Variants in MUSK observed in about 807,000 individuals in gnomAD.
MUSK encodes muscle associated receptor tyrosine kinase, also known as muscle, skeletal receptor tyrosine-protein kinase.
MUSK carries 55 observed loss-of-function variants against 88.7 expected under a neutral mutation model. The observed-to-expected ratio is 0.62, with a 90% CI of 0.50 to 0.78. The LOEUF (loss-of-function observed/expected upper bound fraction) is 0.78, where lower values mean the gene tolerates loss of function less well. Ranked by LOEUF, MUSK falls within the 30% of genes least tolerant of loss-of-function variation. The pLI, the probability that MUSK is intolerant of heterozygous loss-of-function variation, is 0.00. For missense variants in MUSK, 1,015 were observed against 1,074.3 expected, an observed-to-expected ratio of 0.94 and a Z score of 0.77; for synonymous variants, 387 against 391.9, an observed-to-expected ratio of 0.99 and a Z score of 0.15.
chr9:110,682,692 C>T lies in MUSK; in HGVS notation c.98C>T (p.Pro33Leu), dbSNP rs1254646159. ...CTTTCAGCTCCTGTCATCACCACTC[C>T]TCTTGAAACAGTGGATGCCTTAGTT... is the stretch of plus-strand genomic sequence containing the variant. ...KLPKAPVITT[P>L]LETVDALVEE... The change falls in exon 2 of 15, where the codon CCT (proline) becomes CTT (leucine). Residue 33 changes from proline (P) to leucine (L), a missense_variant. Coordinates refer to ENST00000374448, the MANE Select transcript of MUSK (RefSeq NM_005592.4). 1 of 1,612,216 alleles carries T rather than the reference C, an allele frequency of 6.2e-7. No individual in the cohort carries two copies.
intron 6 of MUSK, 77 bp from the exon 7 acceptor site, chr9:110,747,564 T>C (rs1348679680): frequency 2.8e-6 from 4 of 1,416,288 alleles, no homozygotes; most frequent in African/African-American, 2.9e-5. Flanking sequence ...ATCTTAATGC[T>C]TTTCCCTTCA....
chr9:110,709,340 A>G (rs2131764870), intron 5 of MUSK, among the ~76,000 whole-genome samples: 1 of 152,328 alleles, frequency 6.6e-6, no homozygotes, highest in Non-Finnish European at 1.5e-5. Flanking sequence ...CATGGGTGGT[A>G]GGATCTCAAG....
intron 3 of MUSK, among the ~76,000 whole-genome samples, chr9:110,690,176 A>AGTATATATAAG (rs2076312644): frequency 9.5e-6 from 1 of 105,030 alleles, no homozygotes; most frequent in African/African-American, 4.0e-5. Flanking sequence ...AAATATATAA[A>AGTATATATAAG]TATATATTTA....
chr9:110,797,162 CAAAAAAAAAAA>C (rs34924295), intron 14 of MUSK, among the ~76,000 whole-genome samples: 3 of 16,816 alleles, frequency 1.8e-4, no homozygotes, highest in Admixed American at 8.7e-4. Context: ...CATGAATACC[CAAAAAAAAAAA>C]AAAAAAAAAA....
intron 5 of MUSK, among the ~76,000 whole-genome samples, chr9:110,704,798 A>G (rs1368032457): frequency 6.6e-6 from 1 of 152,088 alleles, no homozygotes; most frequent in Non-Finnish European, 1.5e-5. Context: ...AGCCTGGCCA[A>G]CATGGTGAAA....
chr9:110,711,801 T>A (rs1290048301), intron 5 of MUSK, among the ~76,000 whole-genome samples: 2 of 152,228 alleles, frequency 1.3e-5, no homozygotes, highest in Non-Finnish European at 2.9e-5. Context: ...AGATTCTTTT[T>A]AATCAAAAGT....
chr9:110,753,458 AAAGAG>A lies in MUSK; in HGVS notation c.913+5660_913+5664del, dbSNP rs1447108344. 4.4e-3 allele frequency among the ~76,000 whole-genome samples: 657 copies of A among 149,614 alleles called. 15 individuals are homozygous for A. The highest frequency in any genetic ancestry group is 0.034 in the Admixed American group (510 of 14,970). ...TCATCTCAAAAAGGAAAAAAAAAAAAAAGAGAGAGAGAGAGAGAGAGAAATAAAAT... is the reference window on the plus strand; with the variant it reads ...TCATCTCAAAAAGGAAAAAAAAAAAAAGAGAGAGAGAGAGAGAAATAAAAT... On this transcript the variant is annotated intron_variant, in intron 7 of 14. Transcript: ENST00000374448.
chr9:110,761,422 G>A (rs1162365135), intron 7 of MUSK, among the ~76,000 whole-genome samples: 1 of 151,800 alleles, frequency 6.6e-6, no homozygotes, highest in Non-Finnish European at 1.5e-5. Context: ...CAGCCTTGAG[G>A]CAGCCAGGTC....
chr9:110,734,212 C>T, intron 5 of MUSK, 39 bp from the exon 6 acceptor site: 2 of 1,583,156 alleles, frequency 1.3e-6, no homozygotes, highest in Non-Finnish European at 1.7e-6. Context: ...TGACCATTTC[C>T]TGCAGGAGCG....
intron 2 of MUSK, 89 bp downstream of exon 2, chr9:110,682,889 G>A (rs2076150836): frequency 3.3e-6 from 3 of 921,568 alleles, no homozygotes; most frequent in South Asian, 2.2e-5. Flanking sequence ...TAGATGAGAT[G>A]TTTTGATACA....
rs745722798 is a variant in MUSK, at chr9:110,775,876, G to C, written c.1273G>C (p.Glu425Gln). The change falls in exon 10 of 15, where the codon GAG (glutamate) becomes CAG (glutamine). Residue 425 changes from glutamate to glutamine, a missense_variant. Coordinates refer to ENST00000374448, the MANE Select transcript of MUSK (RefSeq NM_005592.4). ...GACCCACAGAGGACTCTACAGATCC[G>C]AGATGCATTTGCTGTCCGTGCCAGA... ...EKTHRGLYRS[E>Q]MHLLSVPECS... The C allele has an allele frequency of 6.2e-7, 1 of 1,613,926 alleles. No individual in the cohort carries two copies. Among genetic ancestry groups the C allele is most frequent in the Non-Finnish European group, 8.5e-7 (1 of 1,179,860 alleles).
At chr9:110,689,319 A>G (rs1342700451) in intron 3 of MUSK, among the ~76,000 whole-genome samples, 14 of 117,556 alleles carry the variant, frequency 1.2e-4, no homozygotes, top group African/African-American at 4.5e-4. Context: ...TTAAATATAT[A>G]TTAAATATAT....
intron 5 of MUSK, among the ~76,000 whole-genome samples, chr9:110,729,510 C>G (rs1396062809): frequency 6.6e-6 from 1 of 151,684 alleles, no homozygotes; most frequent in Non-Finnish European, 1.5e-5. Flanking sequence ...AACAGTACCT[C>G]CTTATCTTAG....
intron 1 of MUSK, among the ~76,000 whole-genome samples, chr9:110,671,210 T>G (rs2075953116): frequency 6.6e-6 from 1 of 152,160 alleles, no homozygotes; most frequent in African/African-American, 2.4e-5. Flanking sequence ...GACCTCGTGA[T>G]CTGCCTGCCT....
intron 9 of MUSK, among the ~76,000 whole-genome samples, chr9:110,770,287 A>G (rs996670752): frequency 2.0e-5 from 3 of 146,624 alleles, no homozygotes; most frequent in Non-Finnish European, 4.5e-5. Flanking sequence ...TATAAGTTAT[A>G]TAATACAATT....
At chr9:110,738,096 C>T (rs975392405) in intron 6 of MUSK, among the ~76,000 whole-genome samples, 3 of 152,250 alleles carry the variant, frequency 2.0e-5, no homozygotes, top group Admixed American at 2.0e-4. Flanking sequence ...ATCCATTCTC[C>T]TCTCAGTAAA....
chr9:110,744,703 T>C (rs1313989741), intron 6 of MUSK, among the ~76,000 whole-genome samples: 1 of 152,174 alleles, frequency 6.6e-6, no homozygotes, highest in African/African-American at 2.4e-5. Context: ...TCTCCTCACA[T>C]AGTTACAGCT....
intron 11 of MUSK, among the ~76,000 whole-genome samples, chr9:110,780,273 A>G (rs140162710): frequency 6.6e-6 from 1 of 152,266 alleles, no homozygotes; most frequent in African/African-American, 2.4e-5. Flanking sequence ...CTTTCTACAC[A>G]TCGCAGTGCT....
rs2076316863 is a variant in MUSK, at chr9:110,690,220, G to GTATAAATATATATTTATATA, written c.358+2968_358+2969insTATATATAAATATATATTTA. On this transcript the variant is annotated intron_variant, in intron 3 of 14. Transcript: ENST00000374448. ...TAAATATATATAAATATATATTTAA[G>GTATAAATATATATTTATATA]TATAAATATATATTTAAGTATATAT... 1.1e-4 allele frequency among the ~76,000 whole-genome samples: 6 copies of GTATAAATATATATTTATATA among 53,196 alleles called. No homozygotes were observed. The South Asian group carries it at 2.3e-3, about 20-fold the overall frequency. 34.9% of individuals were successfully genotyped at this position (53,196 alleles called of 152,430 possible). A position where few individuals can be genotyped will look rare whatever the true frequency, so the allele number is the denominator to read the frequency against.
Sources: gnomAD v4.1 joint callset for allele counts (sites outside exome capture counted in the v4.1 genomes callset) on GRCh38, gnomAD v4.1.1 for gene constraint, MANE v1.5 for transcripts, NCBI Gene and HGNC (gene_info 2026-07-23, HGNC 2026-07-21) for gene names.